ITGA8: variants seen among roughly 807,000 people sequenced by gnomAD.
The protein encoded by ITGA8 is integrin subunit alpha 8, also known as integrin alpha-8.
ITGA8 carries 91 observed loss-of-function variants against 142.3 expected under a neutral mutation model. The ratio of observed to expected loss-of-function variants is 0.64; its 90% CI spans 0.54 to 0.76. ITGA8 has a LOEUF of 0.76. Ranked by LOEUF, ITGA8 falls within the 30% of genes least tolerant of loss-of-function variation. The pLI is 0.00. For missense variants in ITGA8, 1,406 were observed against 1,327.7 expected, an observed-to-expected ratio of 1.06 and a Z score of -0.92; for synonymous variants, 505 against 485.2, an observed-to-expected ratio of 1.04 and a Z score of -0.54.
Position 15,597,242 on chromosome 10 carries a change from A to C in ITGA8, c.2176T>G (p.Cys726Gly). The part of the protein sequence containing the change: ...KMENVTRMVV[C>G]DLGNPMVSGT... ...GACACCATAGGGTTCCCAAGGTCAC[A>C]CACCACCATCCTGGTTACATTTTCC... Residue 726 changes from cysteine (C) to glycine (G), a missense_variant, in exon 21 of 30, where the codon TGT (cysteine) becomes GGT (glycine). Coordinates refer to ENST00000378076, the MANE Select transcript of ITGA8 (RefSeq NM_003638.3). The C allele has an allele frequency of 1.9e-6, 3 of 1,614,000 alleles. No homozygotes were observed. The South Asian group carries it at 3.3e-5, about 18-fold the overall frequency.
chr10:15,556,016 C>CTTT (rs1391282940), intron 26 of ITGA8, among the ~76,000 whole-genome samples: 14 of 94,504 alleles, frequency 1.5e-4, no homozygotes, highest in African/African-American at 5.6e-4. Flanking sequence ...GTCTCTCTCT[C>CTTT]TCTTTTTTTT....
chr10:15,538,289 G>A (rs2883157), intron 27 of ITGA8, among the ~76,000 whole-genome samples: 11 of 152,118 alleles, frequency 7.2e-5, no homozygotes, highest in Admixed American at 3.9e-4. Context: ...AAGGCAGGTG[G>A]ATCACCTGAG....
intron 13 of ITGA8, among the ~76,000 whole-genome samples, chr10:15,623,134 GA>G (rs11363508): frequency 0.22 from 32,831 of 152,046 alleles, 3,734 homozygotes; most frequent in Admixed American, 0.32. Context: ...ATAGATCAAA[GA>G]AAAGCTAATA....
At chr10:15,654,532 G>A (rs1834148438) in intron 11 of ITGA8, among the ~76,000 whole-genome samples, 1 of 152,212 alleles carries the variant, frequency 6.6e-6, no homozygotes, top group Non-Finnish European at 1.5e-5. Flanking sequence ...TCCATTGACA[G>A]CTATATAAAG....
At chr10:15,708,919 A>G (rs899968889) in intron 2 of ITGA8, among the ~76,000 whole-genome samples, 10 of 152,274 alleles carry the variant, frequency 6.6e-5, no homozygotes, top group African/African-American at 2.4e-4. Context: ...AAGCCTCCCT[A>G]TCAAATCACA....
intron 2 of ITGA8, among the ~76,000 whole-genome samples, chr10:15,706,365 A>G (rs1244224179): frequency 6.6e-6 from 1 of 152,096 alleles, no homozygotes; most frequent in East Asian, 1.9e-4. Context: ...CGGAAAGGGA[A>G]CGGTCTTCTA....
chr10:15,537,565 C>G (rs899194992), intron 27 of ITGA8, among the ~76,000 whole-genome samples: 11 of 152,132 alleles, frequency 7.2e-5, no homozygotes, highest in Non-Finnish European at 1.2e-4. Context: ...AACAGGGAAA[C>G]GAAGATGTAA....
At chr10:15,707,254 G>T (rs758344507) in intron 2 of ITGA8, among the ~76,000 whole-genome samples, 5 of 152,144 alleles carry the variant, frequency 3.3e-5, no homozygotes, top group Non-Finnish European at 7.3e-5. Flanking sequence ...CATTATCTTG[G>T]ATCATACATT....
rs1454032599 is a variant in ITGA8 at position 15,599,303 on chromosome 10, G to A, written c.2119-2004C>T. ...GATTATTTTCCTCTGCAGTTTCTGG[G>A]ACATTCTTGTTCTAATCCATTTATA... On this transcript the variant is annotated intron_variant, in intron 20 of 29. Transcript: ENST00000378076. 3.3e-5 allele frequency among the ~76,000 whole-genome samples: 5 copies of A among 151,964 alleles called. No individual in the cohort carries two copies. In the East Asian group the frequency reaches 9.7e-4, roughly 30 times the overall value.
chr10:15,676,529 CT>C (rs1426684253), intron 6 of ITGA8, among the ~76,000 whole-genome samples: 5 of 152,172 alleles, frequency 3.3e-5, no homozygotes, highest in Middle Eastern at 3.4e-3. Flanking sequence ...TTGGGTACCC[CT>C]GTGACAGTTC....
intron 21 of ITGA8, among the ~76,000 whole-genome samples, chr10:15,596,350 G>A (rs1944026329): frequency 6.6e-6 from 1 of 152,080 alleles, no homozygotes; most frequent in Admixed American, 6.6e-5. Flanking sequence ...TGACTTCTCT[G>A]AGCTTCAGTT....
At chr10:15,706,769 A>G (rs184238167) in intron 2 of ITGA8, among the ~76,000 whole-genome samples, 6 of 152,082 alleles carry the variant, frequency 3.9e-5, no homozygotes, top group Admixed American at 2.0e-4. Context: ...ACATAATTCA[A>G]ATTATGTTAC....
intron 23 of ITGA8, among the ~76,000 whole-genome samples, chr10:15,576,456 A>C (rs1333825231): frequency 6.6e-6 from 1 of 152,236 alleles, no homozygotes; most frequent in Non-Finnish European, 1.5e-5. Context: ...AAAACAAACC[A>C]ATGTTTTCTA....
chr10:15,650,770 T>C (rs1440089659), intron 11 of ITGA8, among the ~76,000 whole-genome samples: 2 of 152,202 alleles, frequency 1.3e-5, no homozygotes, highest in African/African-American at 4.8e-5. Flanking sequence ...ATGACTAATA[T>C]TCAGAATTTA....
intron 27 of ITGA8, among the ~76,000 whole-genome samples, chr10:15,545,821 T>C (rs1833658018): frequency 6.6e-6 from 1 of 152,266 alleles, no homozygotes; most frequent in South Asian, 2.1e-4. Context: ...TTAGAGTATG[T>C]ATTAATTTAT....
chr10:15,523,070 GA>G (rs371426659), intron 28 of ITGA8, among the ~76,000 whole-genome samples: 74 of 152,064 alleles, frequency 4.9e-4, no homozygotes, highest in African/African-American at 1.3e-3. Flanking sequence ...ATGTTAAACA[GA>G]AAAGAGTTCA....
chr10:15,534,550 C>T (rs1455602542), intron 27 of ITGA8, among the ~76,000 whole-genome samples: 1 of 152,084 alleles, frequency 6.6e-6, no homozygotes, highest in Non-Finnish European at 1.5e-5. Context: ...ATTTGACGAC[C>T]CTCCCACTCC....
intron 4 of ITGA8, among the ~76,000 whole-genome samples, chr10:15,683,192 C>G (rs1408601825): frequency 3.3e-5 from 5 of 152,064 alleles, no homozygotes; most frequent in Non-Finnish European, 7.4e-5. Flanking sequence ...GGTATCTTAT[C>G]AACAAATCCT....
chr10:15,694,909 C>G (rs1322920713), intron 2 of ITGA8, among the ~76,000 whole-genome samples: 2 of 151,364 alleles, frequency 1.3e-5, no homozygotes, highest in African/African-American at 4.9e-5. Context: ...AAATTACTAA[C>G]CACGAAAAGG....
Sources: gnomAD v4.1 joint callset for allele counts (sites outside exome capture counted in the v4.1 genomes callset) on GRCh38, gnomAD v4.1.1 for gene constraint, MANE v1.5 for transcripts, NCBI Gene and HGNC (gene_info 2026-07-23, HGNC 2026-07-21) for gene names.